GDAP1: variants seen among roughly 807,000 people sequenced by gnomAD.
The protein encoded by GDAP1 is ganglioside induced differentiation associated protein 1, also known as ganglioside-induced differentiation-associated protein 1.
Under a neutral mutation model 40.1 loss-of-function variants are expected in GDAP1, and 34 were observed. That is an observed-to-expected ratio of 0.85 (90% CI 0.64 to 1.13). The LOEUF is 1.13. GDAP1 is among the 50% of genes most tolerant of loss of function. GDAP1 has a pLI of 0.00. For synonymous variants in GDAP1, 170 were observed against 157.4 expected, an observed-to-expected ratio of 1.08 and a Z score of -0.60; for missense variants, 374 against 433.7, an observed-to-expected ratio of 0.86 and a Z score of 1.22.
chr8:74,404,582 A>G (rs1200646837), intron 2 of GDAP1, among the ~76,000 whole-genome samples: 1 of 149,906 alleles, frequency 6.7e-6, no homozygotes, highest in Non-Finnish European at 1.5e-5. Context: ...AAGACTCCAG[A>G]AGCAAGTCTG....
At chr8:74,372,369 G>C (rs190888963) in intron 2 of GDAP1, among the ~76,000 whole-genome samples, 6 of 152,332 alleles carry the variant, frequency 3.9e-5, no homozygotes, top group Admixed American at 3.3e-4. Context: ...GGTTGAACCA[G>C]TTTGCAGTCC....
chr8:74,419,486 G>A (rs550235689), intron 2 of GDAP1, among the ~76,000 whole-genome samples: 1 of 152,170 alleles, frequency 6.6e-6, no homozygotes, highest in South Asian at 2.1e-4. Flanking sequence ...GAACATATTC[G>A]GGTTTGGGGA....
intron 2 of GDAP1, among the ~76,000 whole-genome samples, chr8:74,422,524 C>T (rs548673787): frequency 3.6e-5 from 3 of 82,596 alleles, no homozygotes; most frequent in African/African-American, 3.6e-5. Context: ...TCCTTCCTTC[C>T]TTCCTTCCTT....
rs897843995 is a variant in GDAP1, at chr8:74,413,357, C to T, written c.165+62036C>T. Among the ~76,000 whole-genome samples, 9 of 149,874 alleles carry T rather than the reference C, an allele frequency of 6.0e-5. 1 individual carries two copies. Among genetic ancestry groups the T allele is most frequent in the African/African-American group, 2.0e-4 (8 of 39,234 alleles). On this transcript the variant is annotated intron_variant, in intron 2 of 2. Transcript: ENST00000523640. ...GTAGTGAATTTACCATTCCCCCTTC[C>T]GGGTCCAGTATTTCCCTCAGGCTGG...
chr8:74,398,131 G>T (rs886420929), intron 2 of GDAP1, among the ~76,000 whole-genome samples: 1 of 152,014 alleles, frequency 6.6e-6, no homozygotes, highest in Admixed American at 6.6e-5. Flanking sequence ...GTGAATGGGA[G>T]TTCACTCATG....
At chr8:74,438,036 C>T (rs28532572) in intron 2 of GDAP1, among the ~76,000 whole-genome samples, 1,776 of 151,674 alleles carry the variant, frequency 0.012, 22 homozygotes, top group African/African-American at 0.041. Flanking sequence ...TTTGGGAGGC[C>T]AAAGTGGGAG....
At chr8:74,428,100 G>A (rs910261170) in intron 2 of GDAP1, among the ~76,000 whole-genome samples, 1 of 152,026 alleles carries the variant, frequency 6.6e-6, no homozygotes, top group African/African-American at 2.4e-5. Context: ...CCTAAAGAAT[G>A]GTCACCCAGA....
chr8:74,361,642 G>T (rs1029143346), intron 3 of GDAP1, among the ~76,000 whole-genome samples: 2 of 152,048 alleles, frequency 1.3e-5, no homozygotes, highest in African/African-American at 4.8e-5. Flanking sequence ...TGATCCTCCC[G>T]CCTCGGCCTC....
chr8:74,435,098 A>C (rs910213028), intron 2 of GDAP1, among the ~76,000 whole-genome samples: 2 of 152,202 alleles, frequency 1.3e-5, no homozygotes, highest in African/African-American at 4.8e-5. Context: ...AATAGATATT[A>C]CTTGTAAATA....
intron 2 of GDAP1, among the ~76,000 whole-genome samples, chr8:74,356,277 G>T (rs930111749): frequency 6.6e-6 from 1 of 152,008 alleles, no homozygotes; most frequent in African/African-American, 2.4e-5. Context: ...AGACAGGTTG[G>T]GGGTATTAAA....
downstream of GDAP1, among the ~76,000 whole-genome samples, chr8:74,369,838 AATG>A (rs2131530296): frequency 6.6e-6 from 1 of 152,326 alleles, no homozygotes; most frequent in Admixed American, 6.5e-5. Flanking sequence ...TACACAAGAG[AATG>A]ATGATAAGAA....
At chr8:74,361,127 C>T (rs1809341431) in intron 3 of GDAP1, among the ~76,000 whole-genome samples, 1 of 152,018 alleles carries the variant, frequency 6.6e-6, no homozygotes, top group East Asian at 1.9e-4. Context: ...CTTCCTGCTT[C>T]TCTTTCCTCT....
rs182111560 is a variant in GDAP1, at chr8:74,378,010, G to A, written c.165+26689G>A. On this transcript the variant is annotated intron_variant, in intron 2 of 2. Coordinates refer to the GDAP1 transcript ENST00000523640. ...TTCAAAAAACATGCTATGTGAGGAG[G>A]TAATGGGCTCACACATCTTACTTAA... Among the ~76,000 whole-genome samples, 14 of 152,330 alleles carry A rather than the reference G, an allele frequency of 9.2e-5. No individual in the cohort carries two copies. In the East Asian group the frequency reaches 2.7e-3, roughly 29 times the overall value.
intron 2 of GDAP1, among the ~76,000 whole-genome samples, chr8:74,459,664 A>G (rs1806377579): frequency 6.6e-6 from 1 of 152,226 alleles, no homozygotes; most frequent in South Asian, 2.1e-4. Flanking sequence ...AAAAGGAATA[A>G]CAAATTATAC....
rs142704245 is a variant in GDAP1, at chr8:74,474,124, A to G, written c.166-14554A>G. ...TTGTTCTTAGCTAGGAATGCTAGTG[A>G]TTTTTGTACATTGATTTTGTAATCT... On this transcript the variant is annotated intron_variant, in intron 2 of 2. Coordinates refer to the GDAP1 transcript ENST00000523640. Among the ~76,000 whole-genome samples, 766 of 152,174 alleles carry G rather than the reference A, an allele frequency of 5.0e-3. 4 individuals are homozygous for G. The highest frequency in any genetic ancestry group is 0.018 in the African/African-American group (734 of 41,516).
chr8:74,381,918 G>T (rs1360484940), intron 2 of GDAP1, among the ~76,000 whole-genome samples: 2 of 151,950 alleles, frequency 1.3e-5, no homozygotes, highest in Admixed American at 6.6e-5. Context: ...ATCAGTAGTT[G>T]GCTTATCTTT....
At chr8:74,394,735 T>C (rs1810167573) in intron 2 of GDAP1, among the ~76,000 whole-genome samples, 1 of 151,982 alleles carries the variant, frequency 6.6e-6, no homozygotes, top group African/African-American at 2.4e-5. Flanking sequence ...GCGTTAAGTA[T>C]GTGGAGTTAA....
chr8:74,356,716 A>ATATATATATATATTTT (rs375377157), intron 2 of GDAP1, among the ~76,000 whole-genome samples: 5 of 104,336 alleles, frequency 4.8e-5, no homozygotes, highest in African/African-American at 2.1e-4. Context: ...ATATATATAT[A>ATATATATATATATTTT]TTTTTTTTTT....
chr8:74,426,156 AAAT>A lies in GDAP1; in HGVS notation c.166-62517_166-62515del, dbSNP rs767427418. Among the ~76,000 whole-genome samples the A allele has an allele frequency of 3.6e-4, 55 of 152,256 alleles. 1 individual carries two copies. The highest frequency in any genetic ancestry group is 8.8e-5 in the Non-Finnish European group (6 of 68,042). Reference sequence around the variant, plus strand: ...ATATTTTTTAAACTTTCAGATTTTGAAATAATATTAGATTTACATAAAAGTGCA... The same window carrying A: ...ATATTTTTTAAACTTTCAGATTTTGAAATATTAGATTTACATAAAAGTGCA... On this transcript the variant is annotated intron_variant, in intron 2 of 2. Coordinates refer to the GDAP1 transcript ENST00000523640.
Sources: allele counts gnomAD v4.1 joint callset (sites outside exome capture counted in the v4.1 genomes callset), GRCh38; gene constraint gnomAD v4.1.1; transcripts MANE v1.5; gene names NCBI Gene and HGNC (gene_info 2026-07-23, HGNC 2026-07-21).